The following FCER2 variants were observed in gnomAD, a reference collection of about 807,000 sequenced individuals.
FCER2 encodes the protein Fc epsilon receptor II.
FCER2 carries 38 observed loss-of-function variants against 49.7 expected under a neutral mutation model. That is an observed-to-expected ratio of 0.76 (90% CI 0.59 to 1.00). The LOEUF (loss-of-function observed/expected upper bound fraction) is 1.00. Among genes scored for constraint, FCER2 ranks in the 50% least tolerant of loss-of-function variants. FCER2 has a pLI of 0.00. For synonymous variants in FCER2, 163 were observed against 164.6 expected (o/e 0.99, Z 0.07); for missense variants, 425 against 419.5 (o/e 1.01, Z -0.11).
rs141008665 is a variant in FCER2, at chr19:7,693,551, A to T, written c.470-2994T>A. 4.4e-3 allele frequency among the ~76,000 whole-genome samples: 671 copies of T among 152,138 alleles called. 4 individuals carry two copies. Among genetic ancestry groups the T allele is most frequent in the African/African-American group, 0.016 (644 of 41,504 alleles). On this transcript the variant is annotated intron_variant, in intron 8 of 10. Transcript: ENST00000597921. ...CGCTTGAGCCCAGGAGTTTGAGACC[A>T]GCCTGGGCAACATAGCAAAAACCCG...
chr19:7,697,604 G>A lies in FCER2; in HGVS notation c.191-15C>T. ...AACTTGAGAGACTGGAGCGGCGGGA[G>A]AGAAGAGATATCCCAGGAACCTCAA... On this transcript the variant is annotated splice_polypyrimidine_tract_variant and intron_variant, in intron 4 of 10. Coordinates refer to ENST00000597921, the MANE Select transcript of FCER2 (RefSeq NM_001220500.2). 6.2e-7 allele frequency: 1 copy of A among 1,613,008 alleles called. No homozygotes were observed. Among genetic ancestry groups the A allele is most frequent in the Non-Finnish European group, 8.5e-7 (1 of 1,179,142 alleles).
At chr19:7,690,904 A>G (rs953055829) in intron 8 of FCER2, among the ~76,000 whole-genome samples, 5 of 151,936 alleles carry the variant, frequency 3.3e-5, no homozygotes, top group Non-Finnish European at 7.4e-5. Flanking sequence ...TTCATGTCCA[A>G]TATGGTCAAC....
Position 7,699,865 on chromosome 19 carries a change from T to C in FCER2, c.-85-20A>G. On this transcript the variant is annotated intron_variant, in intron 1 of 10. Coordinates refer to ENST00000597921, the MANE Select transcript of FCER2 (RefSeq NM_001220500.2). ...CTCTGGCTGATTTGGGATTTAATGA[T>C]GGTTAGGGTGAGCCATCAAATCCTA... The C allele has an allele frequency of 9.1e-7, 1 of 1,097,486 alleles. No homozygotes were observed. Among genetic ancestry groups the C allele is most frequent in the South Asian group, 1.3e-5 (1 of 77,390 alleles). 68.0% of individuals were successfully genotyped at this position (1,097,486 alleles called of 1,614,324 possible).
intron 1 of FCER2, among the ~76,000 whole-genome samples, 175 bp downstream of exon 1, chr19:7,701,840 C>G (rs896140182): frequency 6.6e-6 from 1 of 151,994 alleles, no homozygotes; most frequent in African/African-American, 2.4e-5. Flanking sequence ...TCGAATGCCT[C>G]GAGATTCTGT....
rs111259986 is a variant in FCER2, at chr19:7,692,161, C to T, written c.470-1604G>A. On this transcript the variant is annotated intron_variant, in intron 8 of 10. Coordinates refer to ENST00000597921, the MANE Select transcript of FCER2 (RefSeq NM_001220500.2). ...ACATCAACCACCAACACCATCAGCA[C>T]GAATACATTCACGTCCAACAACACA... 4.5e-5 allele frequency among the ~76,000 whole-genome samples: 4 copies of T among 88,324 alleles called. 1 individual carries two copies. Among genetic ancestry groups the T allele is most frequent in the African/African-American group, 1.2e-4 (2 of 16,578 alleles). 57.9% of individuals were successfully genotyped at this position (88,324 alleles called of 152,430 possible). A position where few individuals can be genotyped will look rare whatever the true frequency, so the allele number is the denominator to read the frequency against.
intron 3 of FCER2, 165 bp downstream of exon 3, chr19:7,698,575 TG>T (rs1229105349): frequency 1.1e-6 from 1 of 899,272 alleles, no homozygotes. Context: ...CTCTGGAGGG[TG>T]GGGGATGGGA....
At chr19:7,698,602 C>T (rs1359537123) in intron 3 of FCER2, 139 bp downstream of exon 3, 6 of 1,196,818 alleles carry the variant, frequency 5.0e-6, no homozygotes, top group Non-Finnish European at 7.1e-6. Context: ...CTGGCAGTGG[C>T]AAGATGGGAG....
intron 8 of FCER2, among the ~76,000 whole-genome samples, chr19:7,690,933 C>T (rs1476720872): frequency 2.0e-5 from 3 of 152,092 alleles, no homozygotes; most frequent in African/African-American, 7.2e-5. Flanking sequence ...CACAAACACA[C>T]TCATGTCCAA....
At position 7,696,920 on chromosome 19, in the gene FCER2, G is replaced by A; in HGVS notation, c.380-6C>T. ...TTCGTTCCTCTCGTTCAATTCTTGG[G>A]GAGTCAACAAGGGGCGGTGCTCAGA... On this transcript the variant is annotated splice_region_variant and splice_polypyrimidine_tract_variant and intron_variant, in intron 7 of 10. Coordinates refer to ENST00000597921, the MANE Select transcript of FCER2 (RefSeq NM_001220500.2). 1.3e-6 allele frequency: 2 copies of A among 1,576,806 alleles called. No homozygotes were observed. The highest frequency in any genetic ancestry group is 1.7e-6 in the Non-Finnish European group (2 of 1,160,306).
rs530378727 is a variant in FCER2, at chr19:7,699,337, C to G, written c.22+402G>C. On this transcript the variant is annotated intron_variant, in intron 2 of 10. Transcript: ENST00000597921. ...TCCCAGACCCCACCCAAAGGTCTATCTGGATGTCCCACCTCAAGCCCCTGG... is the reference window on the plus strand; with the variant it reads ...TCCCAGACCCCACCCAAAGGTCTATGTGGATGTCCCACCTCAAGCCCCTGG... 12 of 1,211,206 alleles carry G rather than the reference C, an allele frequency of 9.9e-6. No individual in the cohort carries two copies. In the Admixed American group the frequency reaches 2.3e-4, roughly 23 times the overall value. The allele number at this position is 1,211,206 out of a possible 1,614,324, so 75.0% of individuals were successfully genotyped here.
rs780858530 is a variant in FCER2 at position 7,689,309 on chromosome 19, G to T, written c.850C>A (p.Arg284=). 1.2e-6 allele frequency: 2 copies of T among 1,613,232 alleles called. No homozygotes were observed. Among genetic ancestry groups the T allele is most frequent in the Non-Finnish European group, 1.7e-6 (2 of 1,179,728 alleles). The change falls in exon 11 of 11, where the codon CGG becomes AGG. Residue 284 remains arginine (R), a synonymous_variant. Coordinates refer to ENST00000597921, the MANE Select transcript of FCER2 (RefSeq NM_001220500.2). ...GCTGGCGGCGTGCATGTGGCCAGCC[G>T]GTCGCACACCCAGGCGCCCAGCTTA... ...DRKLGAWVCD[R]LATCTPPASE... is the part of the protein sequence containing the mutation.
At chr19:7,691,335 A>G (rs555083228) in intron 8 of FCER2, among the ~76,000 whole-genome samples, 2 of 152,294 alleles carry the variant, frequency 1.3e-5, no homozygotes, top group African/African-American at 4.8e-5. Flanking sequence ...CACCAAAGCC[A>G]TGACCACATC....
At position 7,690,490 on chromosome 19, in the gene FCER2, C is replaced by T; in HGVS notation, c.537G>A (p.Lys179=). The T allele has an allele frequency of 6.2e-7, 1 of 1,614,126 alleles. No homozygotes were observed. Among genetic ancestry groups the T allele is most frequent in the Non-Finnish European group, 8.5e-7 (1 of 1,179,982 alleles). The part of the protein sequence containing the change: ...NFQRKCYYFG[K]GTKQWVHARY... ...GGGCGTGGACCCACTGCTTGGTGCCCTTGCCGAAGTAGTAGCACTTCCGTT... is the reference window on the plus strand; with the variant it reads ...GGGCGTGGACCCACTGCTTGGTGCCTTTGCCGAAGTAGTAGCACTTCCGTT... Residue 179 remains lysine, a synonymous_variant, in exon 9 of 11, where the codon AAG becomes AAA. Transcript: ENST00000597921.
rs1433606595 is a variant in FCER2, at chr19:7,690,469, G to A, written c.558C>T (p.His186=). The change falls in exon 9 of 11, where the codon CAC becomes CAT. Residue 186 remains histidine, a synonymous_variant. Coordinates refer to ENST00000597921, the MANE Select transcript of FCER2 (RefSeq NM_001220500.2). The part of the protein sequence containing the change: ...YFGKGTKQWV[H]ARYACDDMEG... ...CCATGTCGTCACAGGCATACCGGGC[G>A]TGGACCCACTGCTTGGTGCCCTTGC... 1.1e-5 allele frequency: 18 copies of A among 1,614,000 alleles called. No individual in the cohort carries two copies. Among genetic ancestry groups the A allele is most frequent in the African/African-American group, 4.0e-5 (3 of 74,926 alleles).
chr19:7,701,138 T>C (rs1183021528), intron 1 of FCER2, among the ~76,000 whole-genome samples: 1 of 152,176 alleles, frequency 6.6e-6, no homozygotes, highest in African/African-American at 2.4e-5. Flanking sequence ...GCATCTACTA[T>C]GTGCTGAGGA....
intron 10 of FCER2, 127 bp from the exon 11 acceptor site, chr19:7,689,557 G>T (rs1245302085): frequency 4.9e-6 from 3 of 615,898 alleles, no homozygotes; most frequent in African/African-American, 1.8e-5. Context: ...CCTGGGGACC[G>T]GTACCTCATT....
chr19:7,693,915 C>G (rs897933424), intron 8 of FCER2, among the ~76,000 whole-genome samples: 6 of 151,650 alleles, frequency 4.0e-5, no homozygotes, highest in Non-Finnish European at 8.8e-5. Flanking sequence ...TCCCAAAGTG[C>G]TGGGATTACA....
rs1253538190 is a variant in FCER2 at position 7,689,357 on chromosome 19, A to T, written c.802T>A (p.Trp268Arg). 2 of 1,610,446 alleles carry T rather than the reference A, an allele frequency of 1.2e-6. No homozygotes were observed. The highest frequency in any genetic ancestry group is 2.7e-5 in the African/African-American group (2 of 74,864). The change falls in exon 11 of 11, where the codon TGG becomes AGG. Residue 268 changes from tryptophan to arginine, a missense_variant. Trp to Arg is a moderately radical substitution (Grantham distance 101). Coordinates refer to ENST00000597921, the MANE Select transcript of FCER2 (RefSeq NM_001220500.2). Reference protein sequence around the residue: ...DCVMMRGSGRWNDAFCDRKLG... With the variant: ...DCVMMRGSGRRNDAFCDRKLG... ...TTACGGTCGCAGAAGGCGTCGTTCC[A>T]GCGACCGGAGCCCCGCATCATCACG... is the stretch of plus-strand genomic sequence containing the variant.
chr19:7,691,343 A>G (rs575013693), intron 8 of FCER2, among the ~76,000 whole-genome samples: 1 of 152,090 alleles, frequency 6.6e-6, no homozygotes, highest in Non-Finnish European at 1.5e-5. Context: ...CCATGACCAC[A>G]TCACCGGCTC....
Sources: allele counts gnomAD v4.1 joint callset (sites outside exome capture counted in the v4.1 genomes callset), GRCh38; gene constraint gnomAD v4.1.1; transcripts MANE v1.5; gene names NCBI Gene and HGNC (gene_info 2026-07-23, HGNC 2026-07-21).